Variants in PCDH7 observed in about 807,000 individuals in gnomAD.
PCDH7 encodes protocadherin 7.
A neutral mutation model predicts 58.9 loss-of-function variants in PCDH7; 17 were observed. The ratio of observed to expected loss-of-function variants is 0.29; its 90% CI spans 0.20 to 0.43. The LOEUF is 0.43. Ranked by LOEUF, PCDH7 falls within the 20% of genes least tolerant of loss-of-function variation. PCDH7 has a pLI of 1.00. For missense variants in PCDH7, 1,274 were observed against 1,441.0 expected (o/e 0.88, Z 1.88); for synonymous variants, 664 against 616.4 (o/e 1.08, Z -1.14).
At chr4:30,973,117 C>A (rs1386508047) in intron 3 of PCDH7, among the ~76,000 whole-genome samples, 3 of 152,222 alleles carry the variant, frequency 2.0e-5, no homozygotes, top group Admixed American at 6.5e-5. Context: ...AATAAGTTTG[C>A]CTTTAAATGG....
intron 3 of PCDH7, among the ~76,000 whole-genome samples, chr4:31,011,223 A>T (rs539342916): frequency 5.9e-5 from 9 of 152,144 alleles, no homozygotes; most frequent in African/African-American, 1.7e-4. Flanking sequence ...AAGAAATTAA[A>T]TTGGAAGATA....
Position 30,808,723 on chromosome 4 carries a change from T to A in PCDH7, c.70+84127T>A, listed in dbSNP as rs144354685. On this transcript the variant is annotated intron_variant, in intron 1 of 3. Transcript: ENST00000509759. Reference sequence around the variant, plus strand: ...TATTTTGTATGCTCTAGAGTACAAATGTGTCGTGTGAAAAGTTCCATTTGT... The same window carrying A: ...TATTTTGTATGCTCTAGAGTACAAAAGTGTCGTGTGAAAAGTTCCATTTGT... Among the ~76,000 whole-genome samples the A allele has an allele frequency of 4.6e-3, 695 of 152,312 alleles. 5 individuals carry two copies. The highest frequency in any genetic ancestry group is 0.01 in the South Asian group (50 of 4,834).
intron 1 of PCDH7, among the ~76,000 whole-genome samples, chr4:30,744,782 C>A (rs915208716): frequency 6.6e-6 from 1 of 152,196 alleles, no homozygotes; most frequent in Non-Finnish European, 1.5e-5. Context: ...TCTTCACATT[C>A]CTCCTTTACA....
chr4:31,026,178 C>T (rs1214173307), intron 3 of PCDH7, among the ~76,000 whole-genome samples: 2 of 152,194 alleles, frequency 1.3e-5, no homozygotes, highest in Non-Finnish European at 2.9e-5. Context: ...CTAACATTTT[C>T]TCCCTTTATA....
intron 3 of PCDH7, among the ~76,000 whole-genome samples, chr4:31,022,989 A>G (rs2109172301): frequency 1.3e-5 from 2 of 152,362 alleles, no homozygotes; most frequent in African/African-American, 4.8e-5. Flanking sequence ...CAGGTAAATT[A>G]TGCCAACTAT....
At chr4:30,827,039 G>A (rs938938130) in intron 1 of PCDH7, among the ~76,000 whole-genome samples, 1 of 152,062 alleles carries the variant, frequency 6.6e-6, no homozygotes, top group Non-Finnish European at 1.5e-5. Flanking sequence ...TAAACAATGA[G>A]GATACATTTT....
intron 3 of PCDH7, among the ~76,000 whole-genome samples, chr4:31,019,546 A>T (rs1332739141): frequency 1.3e-5 from 2 of 151,962 alleles, no homozygotes; most frequent in African/African-American, 4.8e-5. Flanking sequence ...AATACCAAAA[A>T]TTATCCGGGT....
At chr4:31,052,202 T>C (rs1487765822) in intron 3 of PCDH7, among the ~76,000 whole-genome samples, 2 of 152,166 alleles carry the variant, frequency 1.3e-5, no homozygotes, top group African/African-American at 4.8e-5. Context: ...CTGTTCCTTA[T>C]CGACTTTAGT....
intron 3 of PCDH7, among the ~76,000 whole-genome samples, chr4:31,119,056 T>G (rs1274074903): frequency 6.6e-6 from 1 of 152,146 alleles, no homozygotes; most frequent in Non-Finnish European, 1.5e-5. Context: ...TTTTCTTTCT[T>G]GCTAAGACCA....
At chr4:31,142,595 C>T (rs774075565) in exon 4 of PCDH7, 30 of 1,367,602 alleles carry the variant, frequency 2.2e-5, no homozygotes, top group Non-Finnish European at 2.8e-5. Context: ...GAAGAGCCAG[C>T]CTAAACTGTC....
chr4:31,100,947 A>C (rs534247850), intron 3 of PCDH7, among the ~76,000 whole-genome samples: 11 of 152,304 alleles, frequency 7.2e-5, no homozygotes, highest in African/African-American at 1.7e-4. Flanking sequence ...GAATATTTGC[A>C]ACTCTAAAAT....
chr4:30,981,925 T>C (rs1173411109), intron 3 of PCDH7, among the ~76,000 whole-genome samples: 1 of 152,224 alleles, frequency 6.6e-6, no homozygotes, highest in Admixed American at 6.5e-5. Context: ...TATTGGTACA[T>C]GAACTCCACG....
At position 30,851,012 on chromosome 4, in the gene PCDH7, T is replaced by C. The variant is rs549873391; in HGVS notation, c.71-69141T>C. Reference sequence around the variant, plus strand: ...GGAGATATTAAAGGAAGCCAAGCGATTGTTCTCTGGAAATTCTTTGTAAAA... The same window carrying C: ...GGAGATATTAAAGGAAGCCAAGCGACTGTTCTCTGGAAATTCTTTGTAAAA... On this transcript the variant is annotated intron_variant, in intron 1 of 3. Transcript: ENST00000509759. Among the ~76,000 whole-genome samples, 3 of 152,172 alleles carry C rather than the reference T, an allele frequency of 2.0e-5. No individual in the cohort carries two copies. In the East Asian group the frequency reaches 5.8e-4, roughly 29 times the overall value.
At chr4:30,793,740 C>T (rs1724430478) in intron 1 of PCDH7, among the ~76,000 whole-genome samples, 1 of 152,060 alleles carries the variant, frequency 6.6e-6, no homozygotes, top group Non-Finnish European at 1.5e-5. Flanking sequence ...TGTGCAATAG[C>T]GTTAAAGGAA....
At chr4:31,053,387 A>G (rs1379594973) in intron 3 of PCDH7, among the ~76,000 whole-genome samples, 1 of 151,996 alleles carries the variant, frequency 6.6e-6, no homozygotes, top group East Asian at 1.9e-4. Flanking sequence ...TCTTCAACTT[A>G]TGATACATCA....
chr4:30,842,146 C>T (rs1345147), intron 1 of PCDH7, among the ~76,000 whole-genome samples: 45,925 of 151,844 alleles, frequency 0.3, 8,781 homozygotes, highest in African/African-American at 0.54. Flanking sequence ...AGTATCAGTT[C>T]CAGCTATCTA....
At chr4:31,083,352 G>A (rs55824607) in intron 3 of PCDH7, among the ~76,000 whole-genome samples, 11,226 of 152,026 alleles carry the variant, frequency 0.074, 491 homozygotes, top group Non-Finnish European at 0.092. Flanking sequence ...CATTACTCTT[G>A]TGATATCTTT....
intron 1 of PCDH7, among the ~76,000 whole-genome samples, chr4:30,872,072 A>AG (rs1735677626): frequency 6.6e-6 from 1 of 152,100 alleles, no homozygotes; most frequent in African/African-American, 2.4e-5. Context: ...TATAGTTATC[A>AG]GGGGTTAAGA....
intron 1 of PCDH7, among the ~76,000 whole-genome samples, chr4:30,835,725 C>T (rs968237445): frequency 6.6e-6 from 1 of 152,112 alleles, no homozygotes; most frequent in Non-Finnish European, 1.5e-5. Flanking sequence ...TATATTTCAC[C>T]ATCTGTAAAG....
Sources: gnomAD v4.1 joint callset for allele counts (sites outside exome capture counted in the v4.1 genomes callset) on GRCh38, gnomAD v4.1.1 for gene constraint, MANE v1.5 for transcripts, NCBI Gene and HGNC (gene_info 2026-07-23, HGNC 2026-07-21) for gene names.